Variants in ANKFN1 observed in about 807,000 individuals in gnomAD.
ANKFN1 encodes the protein ankyrin repeat and fibronectin type-III domain-containing protein 1.
In ANKFN1, 74 loss-of-function variants were observed where a neutral mutation model predicts 108.7. That is an observed-to-expected ratio of 0.68 (90% CI 0.56 to 0.83). The LOEUF (loss-of-function observed/expected upper bound fraction) is 0.83. Ranked by LOEUF, ANKFN1 falls within the 40% of genes least tolerant of loss-of-function variation. The pLI is 0.00. For synonymous variants in ANKFN1, 547 were observed against 516.2 expected (o/e 1.06, Z -0.81); for missense variants, 1,505 against 1,382.3 (o/e 1.09, Z -1.41).
intron 1 of ANKFN1, among the ~76,000 whole-genome samples, chr17:56,187,689 C>G (rs1912358158): frequency 6.6e-6 from 1 of 152,114 alleles, no homozygotes; most frequent in Non-Finnish European, 1.5e-5. Flanking sequence ...ACCCAAATGT[C>G]CATCAATGAT....
At chr17:56,090,132 G>A (rs1331417978) in intron 4 of ANKFN1, among the ~76,000 whole-genome samples, 9 of 151,310 alleles carry the variant, frequency 5.9e-5, no homozygotes, top group African/African-American at 1.9e-4. Flanking sequence ...GACGAGGTGG[G>A]AGTGGGGACA....
At chr17:56,262,555 G>A (rs1048230736) in intron 3 of ANKFN1, among the ~76,000 whole-genome samples, 2 of 152,142 alleles carry the variant, frequency 1.3e-5, no homozygotes, top group Admixed American at 6.5e-5. Flanking sequence ...TTCAGCAACC[G>A]TATTCCTGCA....
chr17:56,425,843 C>A (rs768791873), intron 8 of ANKFN1, among the ~76,000 whole-genome samples: 1 of 152,270 alleles, frequency 6.6e-6, no homozygotes, highest in South Asian at 2.1e-4. Flanking sequence ...TTGACTTGAC[C>A]GTCTCGCTTC....
intron 3 of ANKFN1, among the ~76,000 whole-genome samples, chr17:56,270,674 C>T (rs1369044214): frequency 6.6e-6 from 1 of 152,170 alleles, no homozygotes; most frequent in Non-Finnish European, 1.5e-5. Flanking sequence ...ATGACCAAGC[C>T]TCATTGGCTC....
chr17:56,372,886 A>G, intron 7 of ANKFN1, 46 bp downstream of exon 7: 1 of 1,553,270 alleles, frequency 6.4e-7, no homozygotes, highest in South Asian at 1.2e-5. Context: ...ACTGAGCCTC[A>G]GTTTGAGACA....
chr17:56,059,700 C>T (rs1904941090), intron 4 of ANKFN1, among the ~76,000 whole-genome samples: 1 of 152,098 alleles, frequency 6.6e-6, no homozygotes, highest in Admixed American at 6.5e-5. Context: ...GATCCTTTCC[C>T]TATTGCTTGT....
chr17:56,213,363 C>G (rs1022834612), intron 2 of ANKFN1, among the ~76,000 whole-genome samples: 1 of 152,256 alleles, frequency 6.6e-6, no homozygotes, highest in Admixed American at 6.5e-5. Flanking sequence ...AAGCCTACCC[C>G]CTATAGAAAC....
chr17:56,379,368 C>T (rs2047030651), intron 8 of ANKFN1, among the ~76,000 whole-genome samples: 1 of 150,600 alleles, frequency 6.6e-6, no homozygotes, highest in African/African-American at 2.4e-5. Context: ...CACTGCACTC[C>T]AGCCTGGGTG....
At chr17:56,321,087 C>T (rs905276074) in intron 3 of ANKFN1, among the ~76,000 whole-genome samples, 1 of 148,478 alleles carries the variant, frequency 6.7e-6, no homozygotes, top group African/African-American at 2.5e-5. Flanking sequence ...AAAAAGTCTG[C>T]TTTGGATTGA....
rs545314869 is a variant in ANKFN1, at chr17:56,139,575, C to G, written c.289-88342C>G. On this transcript the variant is annotated intron_variant, in intron 4 of 12. Coordinates refer to the ANKFN1 transcript ENST00000635860. ...TCCCCCCATTATGCTCTGTTGCCGA[C>G]AGACAGAGGAAAGTGATAGAAGGTT... 2.6e-5 allele frequency among the ~76,000 whole-genome samples: 4 copies of G among 152,188 alleles called. No individual in the cohort carries two copies. The East Asian group carries it at 7.7e-4, about 29-fold the overall frequency.
intron 15 of ANKFN1, chr17:56,473,671 AG>A (rs1598678478): frequency 6.6e-6 from 1 of 150,518 alleles, no homozygotes; most frequent in African/African-American, 2.5e-5. Flanking sequence ...AAAAAAAAAA[AG>A]ATGGCTTTTC....
chr17:56,344,832 C>T (rs923765169), intron 4 of ANKFN1, among the ~76,000 whole-genome samples: 2 of 151,876 alleles, frequency 1.3e-5, no homozygotes, highest in African/African-American at 4.8e-5. Flanking sequence ...CCCATTCTGC[C>T]CCCTTCCAGT....
chr17:56,219,455 C>T (rs2143854155), intron 2 of ANKFN1, among the ~76,000 whole-genome samples: 1 of 152,246 alleles, frequency 6.6e-6, no homozygotes, highest in Middle Eastern at 3.4e-3. Context: ...CCATGTTGGC[C>T]AGGCTGGTCT....
intron 4 of ANKFN1, among the ~76,000 whole-genome samples, chr17:56,052,257 A>T (rs1004960704): frequency 2.0e-5 from 3 of 152,148 alleles, no homozygotes; most frequent in Admixed American, 2.0e-4. Flanking sequence ...AGCTTTACTG[A>T]CTTTTTCAGT....
intron 4 of ANKFN1, among the ~76,000 whole-genome samples, chr17:56,109,636 T>A (rs55785725): frequency 0.077 from 11,705 of 152,216 alleles, 649 homozygotes; most frequent in African/African-American, 0.15. Context: ...TGCTCCCACA[T>A]GAAAATGACA....
intron 8 of ANKFN1, among the ~76,000 whole-genome samples, chr17:56,413,657 C>T (rs1020743943): frequency 1.3e-5 from 2 of 152,078 alleles, no homozygotes; most frequent in Admixed American, 6.6e-5. Flanking sequence ...TATTGAAAGC[C>T]TTTTCTGCAT....
At chr17:56,248,586 A>AG (rs1249820538) in intron 3 of ANKFN1, among the ~76,000 whole-genome samples, 6 of 152,208 alleles carry the variant, frequency 3.9e-5, no homozygotes, top group African/African-American at 1.4e-4. Flanking sequence ...CATAGGTGGA[A>AG]GGCAGAGGTG....
At chr17:56,350,218 C>T (rs1261402710) in intron 4 of ANKFN1, among the ~76,000 whole-genome samples, 2 of 152,080 alleles carry the variant, frequency 1.3e-5, no homozygotes, top group East Asian at 3.9e-4. Flanking sequence ...GGATAGTTCA[C>T]CAAGCCTCAG....
intron 10 of ANKFN1, among the ~76,000 whole-genome samples, chr17:56,448,609 G>A (rs1380450982): frequency 6.6e-6 from 1 of 152,054 alleles, no homozygotes; most frequent in Non-Finnish European, 1.5e-5. Flanking sequence ...ATGTCAATTT[G>A]GCCAAAAGTG....
Sources: gnomAD v4.1 joint callset for allele counts (sites outside exome capture counted in the v4.1 genomes callset) on GRCh38, gnomAD v4.1.1 for gene constraint, MANE v1.5 for transcripts, NCBI Gene and HGNC (gene_info 2026-07-23, HGNC 2026-07-21) for gene names.